The following NLRP14 variants were observed in gnomAD, a reference collection of about 807,000 sequenced individuals.
The protein encoded by NLRP14 is NLR family pyrin domain containing 14, also known as NACHT, LRR and PYD domains-containing protein 14.
Under a neutral mutation model 94.7 loss-of-function variants are expected in NLRP14, and 105 were observed. The ratio of observed to expected loss-of-function variants is 1.11; its 90% CI spans 0.95 to 1.30. NLRP14 has a LOEUF of 1.30. Ranked by LOEUF, NLRP14 falls within the 50% of genes most tolerant of loss-of-function variation. The pLI is 0.00. For synonymous variants in NLRP14, 508 were observed against 459.9 expected (o/e 1.10, Z -1.34); for missense variants, 1,362 against 1,254.1 (o/e 1.09, Z -1.30).
Position 7,058,420 on chromosome 11 carries a change from A to G in NLRP14, c.2603A>G (p.Gln868Arg). 1 of 1,612,708 alleles carries G rather than the reference A, an allele frequency of 6.2e-7. No individual in the cohort carries two copies. Among genetic ancestry groups the G allele is most frequent in the South Asian group, 1.1e-5 (1 of 91,058 alleles). ...GGVKLMSDAL[Q>R]HAQCTLKSLV... is the part of the protein sequence containing the mutation. ...GTAAAGCTTATGAGTGATGCCCTGC[A>G]ACATGCACAATGTACTCTGAAGAGC... The change falls in exon 8 of 12, where the codon CAA (glutamine) becomes CGA (arginine). Residue 868 changes from glutamine to arginine, a missense_variant. Coordinates refer to ENST00000299481, the MANE Select transcript of NLRP14 (RefSeq NM_176822.4).
At chr11:7,089,491 G>T in the NLRP14 span, 22 of 1,239,116 alleles carry the variant, frequency 1.8e-5, no homozygotes, top group Non-Finnish European at 2.2e-5. Context: ...TCCCCATCCC[G>T]GGGCGGGCCC....
chr11:7,050,398 C>T (rs1052210890), intron 6 of NLRP14, among the ~76,000 whole-genome samples: 4 of 152,078 alleles, frequency 2.6e-5, no homozygotes, highest in Non-Finnish European at 5.9e-5. Flanking sequence ...CTTCTTTGGC[C>T]GATGAAAGTG....
At chr11:7,082,030 G>A in the NLRP14 span, among the ~76,000 whole-genome samples, 1 of 152,096 alleles carries the variant, frequency 6.6e-6, no homozygotes, top group Non-Finnish European at 1.5e-5. Context: ...CATGGTCAAA[G>A]GGGCTCTTTA....
the NLRP14 span, among the ~76,000 whole-genome samples, chr11:7,083,851 C>A: frequency 1.3e-5 from 2 of 152,122 alleles, no homozygotes; most frequent in African/African-American, 4.8e-5. Context: ...TAATGCACTC[C>A]TCCCCAAATT....
intron 4 of NLRP14, among the ~76,000 whole-genome samples, chr11:7,046,309 A>T (rs1852348424): frequency 6.6e-6 from 1 of 152,124 alleles, no homozygotes; most frequent in Non-Finnish European, 1.5e-5. Flanking sequence ...CTACCCACTA[A>T]TCCTAATCAT....
chr11:7,077,750 G>A, the NLRP14 span, among the ~76,000 whole-genome samples: 1 of 152,362 alleles, frequency 6.6e-6, no homozygotes, highest in South Asian at 2.1e-4. Context: ...CGGATCTCAT[G>A]AGACTTATTC....
the NLRP14 span, chr11:7,090,205 G>A: frequency 1.2e-6 from 2 of 1,612,756 alleles, no homozygotes; most frequent in Admixed American, 1.7e-5. Flanking sequence ...CCTCCCCAGC[G>A]TGATTCTTAC....
In NLRP14 at chr11:7,057,705, T is replaced by G. The variant is rs747072938; in HGVS notation, c.2320T>G (p.Cys774Gly). ...GGAATCTTGCAACCTAACTGTATTT[T>G]GTTGTCTAAATATATCTAATGCTCT... ...RLESCNLTVFCCLNISNALIR... is the reference protein window; with the variant it reads ...RLESCNLTVFGCLNISNALIR... The change falls in exon 7 of 12, where the codon TGT becomes GGT. Residue 774 changes from cysteine to glycine, a missense_variant. Coordinates refer to ENST00000299481, the MANE Select transcript of NLRP14 (RefSeq NM_176822.4). 2 of 1,612,784 alleles carry G rather than the reference T, an allele frequency of 1.2e-6. No individual in the cohort carries two copies.
the NLRP14 span, among the ~76,000 whole-genome samples, chr11:7,079,422 A>G: frequency 6.6e-6 from 1 of 152,350 alleles, no homozygotes; most frequent in African/African-American, 2.4e-5. Context: ...TAGTTGTAAA[A>G]GGAATAAAAA....
At position 7,038,600 on chromosome 11, in the gene NLRP14, C is replaced by G. The variant is rs1204806522; in HGVS notation, c.14C>G (p.Ser5Ter). The G allele has an allele frequency of 5.0e-6, 8 of 1,613,874 alleles. No homozygotes were observed. The highest frequency in any genetic ancestry group is 6.8e-6 in the Non-Finnish European group (8 of 1,179,952). ...TATTTGGACAAGATGGCAGATTCATCATCATCTTCTTTCTTTCCTGATTTT... is the reference window on the plus strand; with the variant it reads ...TATTTGGACAAGATGGCAGATTCATGATCATCTTCTTTCTTTCCTGATTTT... The part of the protein sequence containing the change: MADS[S>*]SSSFFPDFGL... Residue 5 changes from serine to a stop codon, truncating the protein, a stop_gained, in exon 2 of 12, where the codon TCA becomes TGA. Transcript: ENST00000299481. LOFTEE classifies it high-confidence loss of function.
At chr11:7,079,420 A>G in the NLRP14 span, among the ~76,000 whole-genome samples, 1 of 152,334 alleles carries the variant, frequency 6.6e-6, no homozygotes, top group East Asian at 1.9e-4. Flanking sequence ...ATTAGTTGTA[A>G]AAGGAATAAA....
rs1434611171 is a variant in NLRP14, at chr11:7,043,545, C to G, written c.1519C>G (p.Pro507Ala). The G allele has an allele frequency of 6.2e-7, 1 of 1,614,038 alleles. No homozygotes were observed. The highest frequency in any genetic ancestry group is 1.3e-5 in the African/African-American group (1 of 74,924). ...GGAAGCTGGGAACCCTTCCTGCCAG[C>G]CTTTTGAAGATTTGAAGTCATTACT... ...SWEAGNPSCQPFEDLKSLLQS... is the reference protein window; with the variant it reads ...SWEAGNPSCQAFEDLKSLLQS... Residue 507 changes from proline to alanine, a missense_variant, in exon 4 of 12, where the codon CCT becomes GCT. Transcript: ENST00000299481.
intron 11 of NLRP14, 140 bp from the exon 12 acceptor site, chr11:7,071,033 A>C (rs1017207772): frequency 1.3e-5 from 11 of 879,590 alleles, no homozygotes; most frequent in Non-Finnish European, 2.0e-5. Flanking sequence ...TCGCTTCCCC[A>C]CTCCTCACCC....
intron 1 of NLRP14, among the ~76,000 whole-genome samples, chr11:7,033,569 G>T (rs1179779198): frequency 2.0e-5 from 3 of 152,122 alleles, no homozygotes. Context: ...GTCCTGGGTG[G>T]ACATCTTCAA....
chr11:7,044,101 TC>T, intron 4 of NLRP14, 117 bp downstream of exon 4: 1 of 1,015,816 alleles, frequency 9.8e-7, no homozygotes, highest in Non-Finnish European at 1.5e-6. Context: ...TCTGGAGTTG[TC>T]CCATCTTGAG....
At chr11:7,078,455 A>C in the NLRP14 span, among the ~76,000 whole-genome samples, 1 of 146,972 alleles carries the variant, frequency 6.8e-6, no homozygotes, top group African/African-American at 2.5e-5. Flanking sequence ...AAAAAAAAAA[A>C]AAAAAAACAA....
the NLRP14 span, among the ~76,000 whole-genome samples, chr11:7,087,533 G>C: frequency 2.6e-5 from 4 of 152,076 alleles, no homozygotes; most frequent in African/African-American, 9.7e-5. Context: ...CTGGAGTGAT[G>C]GAAATGTTAT....
At chr11:7,035,073 C>G (rs1325572443) in intron 1 of NLRP14, among the ~76,000 whole-genome samples, 2 of 151,850 alleles carry the variant, frequency 1.3e-5, no homozygotes, top group Non-Finnish European at 2.9e-5. Context: ...GGGCAGATCA[C>G]TTGAGGTCAG....
At chr11:7,086,573 A>G in the NLRP14 span, among the ~76,000 whole-genome samples, 1 of 152,352 alleles carries the variant, frequency 6.6e-6, no homozygotes, top group South Asian at 2.1e-4. Flanking sequence ...CTAGGTAGGG[A>G]AACATTCCCC....
Sources: gnomAD v4.1 joint callset for allele counts (sites outside exome capture counted in the v4.1 genomes callset) on GRCh38, gnomAD v4.1.1 for gene constraint, MANE v1.5 for transcripts, NCBI Gene and HGNC (gene_info 2026-07-23, HGNC 2026-07-21) for gene names.